FFAR4: variants seen among roughly 807,000 people sequenced by gnomAD.
FFAR4 encodes the protein free fatty acid receptor 4, also known as G-protein coupled receptor 120.
A neutral mutation model predicts 27.0 loss-of-function variants in FFAR4; 19 were observed. The observed-to-expected ratio is 0.70, with a 90% confidence interval of 0.49 to 1.03. The LOEUF (loss-of-function observed/expected upper bound fraction) is 1.03, where lower values mean the gene tolerates loss of function less well. FFAR4 is among the 50% of genes least tolerant of loss of function. FFAR4 has a pLI of 0.00. For missense variants in FFAR4, 476 were observed against 479.0 expected, an observed-to-expected ratio of 0.99 and a Z score of 0.06; for synonymous variants, 254 against 215.6, an observed-to-expected ratio of 1.18 and a Z score of -1.56.
In FFAR4 at chr10:93,567,127, G is replaced by A. The variant is rs1416165636; in HGVS notation, c.407G>A (p.Arg136His). ...ILTLAAVSLE[R>H]MVCIVHLQRG... ...ACGCTGGCCGCGGTCAGCCTGGAGC[G>A]CATGGTGTGCATCGTGCACCTGCAG... The change falls in exon 1 of 3, where the codon CGC (arginine) becomes CAC (histidine). Residue 136 changes from arginine to histidine, a missense_variant. Coordinates refer to ENST00000371481, the MANE Select transcript of FFAR4 (RefSeq NM_001195755.2). The A allele has an allele frequency of 1.2e-6, 2 of 1,607,166 alleles. No individual in the cohort carries two copies. The highest frequency in any genetic ancestry group is 1.3e-5 in the African/African-American group (1 of 74,836).
At chr10:93,569,100 A>AT (rs1016985271) in intron 1 of FFAR4, among the ~76,000 whole-genome samples, 9 of 152,230 alleles carry the variant, frequency 5.9e-5, no homozygotes, top group Middle Eastern at 3.4e-3. Context: ...AGTTTCTTTG[A>AT]TTTTTTTAAA....
At chr10:93,578,416 C>CAAAA (rs762326870) in intron 2 of FFAR4, among the ~76,000 whole-genome samples, 10 of 60,100 alleles carry the variant, frequency 1.7e-4, no homozygotes, top group East Asian at 1.0e-3. Flanking sequence ...GATTCCCTCT[C>CAAAA]AAAAAAAAAA....
chr10:93,585,084 G>A (rs2058219437), intron 2 of FFAR4, among the ~76,000 whole-genome samples: 1 of 152,158 alleles, frequency 6.6e-6, no homozygotes. Context: ...TGTGAATGAT[G>A]TTAATTACCT....
intron 1 of FFAR4, among the ~76,000 whole-genome samples, chr10:93,567,508 A>G (rs2058106040): frequency 6.6e-6 from 1 of 152,210 alleles, no homozygotes; most frequent in Non-Finnish European, 1.5e-5. Context: ...GAGTCCCCCA[A>G]ATTCTTGCAA....
At chr10:93,575,344 G>A (rs760572637) in intron 1 of FFAR4, among the ~76,000 whole-genome samples, 5 of 152,214 alleles carry the variant, frequency 3.3e-5, no homozygotes, top group Non-Finnish European at 7.3e-5. Flanking sequence ...AATTGTTGCA[G>A]AAGCTATTTG....
At chr10:93,582,646 C>A (rs2134553884) in intron 2 of FFAR4, among the ~76,000 whole-genome samples, 1 of 152,146 alleles carries the variant, frequency 6.6e-6, no homozygotes, top group Admixed American at 6.5e-5. Flanking sequence ...CCTGCTAGGG[C>A]TCTGGGTCAC....
intron 2 of FFAR4, among the ~76,000 whole-genome samples, chr10:93,584,606 C>T (rs1482925002): frequency 6.6e-6 from 1 of 152,196 alleles, no homozygotes; most frequent in East Asian, 1.9e-4. Flanking sequence ...ATCTGTTGCC[C>T]TGGTCTCCAC....
At chr10:93,575,613 C>T (rs1192516353) in intron 1 of FFAR4, among the ~76,000 whole-genome samples, 2 of 152,228 alleles carry the variant, frequency 1.3e-5, no homozygotes, top group African/African-American at 4.8e-5. Flanking sequence ...TTAGCAAAGA[C>T]CCTGTGTCCT....
intron 1 of FFAR4, among the ~76,000 whole-genome samples, chr10:93,573,887 T>C (rs1450159537): frequency 6.6e-6 from 1 of 152,236 alleles, no homozygotes; most frequent in South Asian, 2.1e-4. Context: ...TGTTTCATGT[T>C]TGATCATCAT....
At chr10:93,567,522 G>GCAATGACT (rs2058106099) in intron 1 of FFAR4, among the ~76,000 whole-genome samples, 1 of 152,218 alleles carries the variant, frequency 6.6e-6, no homozygotes, top group African/African-American at 2.4e-5. Context: ...CTTGCAAAAT[G>GCAATGACT]CAATGACTGT....
chr10:93,585,371 G>A (rs2058221109), intron 2 of FFAR4, among the ~76,000 whole-genome samples: 1 of 152,186 alleles, frequency 6.6e-6, no homozygotes, highest in African/African-American at 2.4e-5. Flanking sequence ...CTCAACAGGG[G>A]ACATAAATGT....
chr10:93,566,679 T>A lies in FFAR4; in HGVS notation c.-42T>A. 8.0e-7 allele frequency: 1 copy of A among 1,256,776 alleles called. No individual in the cohort carries two copies. The highest frequency in any genetic ancestry group is 2.5e-5 in the East Asian group (1 of 40,154). 77.9% of individuals were successfully genotyped at this position (1,256,776 alleles called of 1,614,324 possible). ...CCTTGGCACTCAGTCGCCTCCCAGA[T>A]GAGCACTCTCTCAGACCGCTGCGGG... is the stretch of plus-strand genomic sequence containing the variant. On this transcript the variant is annotated 5_prime_UTR_variant, in exon 1 of 3. It removes an upstream start codon present in the reference 5' UTR. Transcript: ENST00000371481.
In FFAR4 at chr10:93,587,785, C is replaced by CTT. The variant is rs1310920426; in HGVS notation, c.*178_*179dup. On this transcript the variant is annotated 3_prime_UTR_variant, in exon 3 of 3. Transcript: ENST00000371481. Reference sequence around the variant, plus strand: ...ATCACCAAGTTTCATAATATTTTCCCTTTATAAAAGGATTTGTTGGCCAGG... The same window carrying CTT: ...ATCACCAAGTTTCATAATATTTTCCCTTTTTATAAAAGGATTTGTTGGCCAGG... 2 of 650,962 alleles carry CTT rather than the reference C, an allele frequency of 3.1e-6. No individual in the cohort carries two copies. The highest frequency in any genetic ancestry group is 5.1e-6 in the Non-Finnish European group (2 of 390,382). The allele number at this position is 650,962 out of a possible 1,614,324, so 40.3% of individuals were successfully genotyped here. A position where few individuals can be genotyped will look rare whatever the true frequency, so the allele number is the denominator to read the frequency against.
At chr10:93,569,665 G>A (rs2058120945) in intron 1 of FFAR4, among the ~76,000 whole-genome samples, 1 of 152,022 alleles carries the variant, frequency 6.6e-6, no homozygotes, top group Admixed American at 6.6e-5. Flanking sequence ...GGGAGAGAAT[G>A]AGGCTGCAGT....
chr10:93,566,758 C>A lies in FFAR4; in HGVS notation c.38C>A (p.Pro13His), dbSNP rs1319188690. 1 of 1,605,784 alleles carries A rather than the reference C, an allele frequency of 6.2e-7. No individual in the cohort carries two copies. The highest frequency in any genetic ancestry group is 1.7e-5 in the Admixed American group (1 of 59,790). Residue 13 changes from proline to histidine, a missense_variant, in exon 1 of 3, where the codon CCC becomes CAC. Physicochemically the swap from Pro to His is moderately conservative, Grantham distance 77. Transcript: ENST00000371481. ...PECARAAGDA[P>H]LRSLEQANRT... The stretch of plus-strand genomic sequence containing the variant: ...TGCGCGCGGGCAGCGGGCGACGCGC[C>A]CTTGCGCAGCCTGGAGCAAGCCAAC...
chr10:93,587,528 C>T lies in FFAR4; in HGVS notation c.1005C>T (p.Cys335=). 1.2e-6 allele frequency: 2 copies of T among 1,614,080 alleles called. No homozygotes were observed. Among genetic ancestry groups the T allele is most frequent in the South Asian group, 1.1e-5 (1 of 91,068 alleles). ...GGAATGAGTGGAAGAAAATTTTTTG[C>T]TGCTTCTGGTTCCCAGAAAAGGGAG... ...LCRNEWKKIF[C]CFWFPEKGAI... Residue 335 remains cysteine, a synonymous_variant, in exon 3 of 3, where the codon TGC becomes TGT. Coordinates refer to ENST00000371481, the MANE Select transcript of FFAR4 (RefSeq NM_001195755.2).
At chr10:93,570,691 T>A (rs2058127167) in intron 1 of FFAR4, among the ~76,000 whole-genome samples, 1 of 152,182 alleles carries the variant, frequency 6.6e-6, no homozygotes, top group Admixed American at 6.5e-5. Flanking sequence ...CTCAATCTCT[T>A]GTCCATGTGG....
chr10:93,574,037 A>G (rs549987785), intron 1 of FFAR4, among the ~76,000 whole-genome samples: 9 of 152,332 alleles, frequency 5.9e-5, no homozygotes, highest in African/African-American at 2.2e-4. Context: ...TCTGGATTGT[A>G]TCCTTCCATG....
intron 1 of FFAR4, among the ~76,000 whole-genome samples, chr10:93,571,150 C>G (rs1333585084): frequency 6.6e-6 from 1 of 152,164 alleles, no homozygotes; most frequent in African/African-American, 2.4e-5. Flanking sequence ...ATCCTAGCAA[C>G]GTTGACATCT....
Sources: allele counts gnomAD v4.1 joint callset (sites outside exome capture counted in the v4.1 genomes callset), GRCh38; gene constraint gnomAD v4.1.1; transcripts MANE v1.5; gene names NCBI Gene and HGNC (gene_info 2026-07-23, HGNC 2026-07-21).